Variants in OSMR observed in about 807,000 individuals in gnomAD.
OSMR encodes the protein oncostatin-M-specific receptor subunit beta.
In OSMR, 81 loss-of-function variants were observed where a neutral mutation model predicts 99.9. That is an observed-to-expected ratio of 0.81 (90% confidence interval 0.68 to 0.97). The LOEUF (loss-of-function observed/expected upper bound fraction) is 0.97. Among genes scored for constraint, OSMR ranks in the 50% least tolerant of loss-of-function variants. OSMR has a pLI of 0.00. For missense variants in OSMR, 1,099 were observed against 1,153.4 expected (o/e 0.95, Z 0.68); for synonymous variants, 406 against 410.4 (o/e 0.99, Z 0.13).
chr5:38,911,959 C>G (rs116000417), intron 9 of OSMR, among the ~76,000 whole-genome samples: 1 of 152,042 alleles, frequency 6.6e-6, no homozygotes, highest in Non-Finnish European at 1.5e-5. Flanking sequence ...CAACATCATA[C>G]TAAATGGGCA....
chr5:38,862,620 G>A (rs1232717624), intron 1 of OSMR, among the ~76,000 whole-genome samples: 1 of 151,684 alleles, frequency 6.6e-6, no homozygotes, highest in Non-Finnish European at 1.5e-5. Flanking sequence ...GCCAGGCAGA[G>A]GCGCTCCTCA....
intron 7 of OSMR, among the ~76,000 whole-genome samples, chr5:38,891,639 C>T (rs1744164881): frequency 1.3e-5 from 2 of 152,188 alleles, no homozygotes; most frequent in African/African-American, 4.8e-5. Flanking sequence ...CATGAGAACC[C>T]ACCTGCCCCT....
chr5:38,852,718 A>ATTTTTTTTTTATTTTTT (rs1740495179), intron 1 of OSMR, among the ~76,000 whole-genome samples: 1 of 70,660 alleles, frequency 1.4e-5, no homozygotes, highest in Non-Finnish European at 2.6e-5. Context: ...TATTGTTTTC[A>ATTTTTTTTTTATTTTTT]TTTTTTTTTT....
chr5:38,922,381 T>C (rs1040949686), intron 12 of OSMR, among the ~76,000 whole-genome samples: 7 of 152,088 alleles, frequency 4.6e-5, no homozygotes, highest in African/African-American at 1.4e-4. Context: ...TTCAGTGGTA[T>C]GGTGGGTTGT....
At chr5:38,887,903 T>A (rs1404924902) in intron 7 of OSMR, among the ~76,000 whole-genome samples, 1 of 152,204 alleles carries the variant, frequency 6.6e-6, no homozygotes, top group Non-Finnish European at 1.5e-5. Context: ...TCTTGCATAT[T>A]TTTTGTGCTA....
At chr5:38,913,042 A>G (rs914889791) in intron 9 of OSMR, among the ~76,000 whole-genome samples, 4 of 152,166 alleles carry the variant, frequency 2.6e-5, no homozygotes, top group African/African-American at 7.2e-5. Context: ...CTAAGTCTTC[A>G]AAAGAAATTG....
chr5:38,911,465 C>T lies in OSMR; in HGVS notation c.1286-6081C>T, dbSNP rs181332923. On this transcript the variant is annotated intron_variant, in intron 9 of 17. Coordinates refer to ENST00000274276, the MANE Select transcript of OSMR (RefSeq NM_003999.3). ...GAAAGCCCAGGACCAGATGCATTCACAGCCAAATTCTGTCAGAGTTATAAA... is the reference window on the plus strand; with the variant it reads ...GAAAGCCCAGGACCAGATGCATTCATAGCCAAATTCTGTCAGAGTTATAAA... 1.3e-3 allele frequency among the ~76,000 whole-genome samples: 200 copies of T among 152,286 alleles called. 2 individuals carry two copies. Among genetic ancestry groups the T allele is most frequent in the African/African-American group, 4.7e-3 (195 of 41,572 alleles).
At chr5:38,941,406 C>G (rs1021975332) in intron 1 of OSMR, 12 of 231,654 alleles carry the variant, frequency 5.2e-5, no homozygotes, top group African/African-American at 2.4e-4. Flanking sequence ...TCAGGAGATC[C>G]AAAGTATTAT....
At chr5:38,916,007 A>T (rs1745873251) in intron 9 of OSMR, among the ~76,000 whole-genome samples, 1 of 152,154 alleles carries the variant, frequency 6.6e-6, no homozygotes, top group South Asian at 2.1e-4. Flanking sequence ...TGAATGTTTT[A>T]AATTCTCTTT....
At chr5:38,868,930 T>C in intron 1 of OSMR, 102 bp from the exon 2 acceptor site, 2 of 1,352,046 alleles carry the variant, frequency 1.5e-6, no homozygotes, top group South Asian at 1.3e-5. Flanking sequence ...AAGGGAGAAG[T>C]ATGGGAGCCT....
intron 7 of OSMR, among the ~76,000 whole-genome samples, chr5:38,890,848 T>C (rs1744111113): frequency 6.6e-6 from 1 of 152,030 alleles, no homozygotes; most frequent in Non-Finnish European, 1.5e-5. Context: ...CCTGGGGACG[T>C]TGAATGATTC....
At chr5:38,909,706 C>G (rs574044424) in intron 9 of OSMR, among the ~76,000 whole-genome samples, 13 of 152,290 alleles carry the variant, frequency 8.5e-5, no homozygotes, top group Admixed American at 2.6e-4. Flanking sequence ...TTAGACCTGC[C>G]TTAGAGGAGA....
chr5:38,928,208 T>C (rs1001551752), intron 15 of OSMR, among the ~76,000 whole-genome samples: 1 of 152,082 alleles, frequency 6.6e-6, no homozygotes, highest in Non-Finnish European at 1.5e-5. Context: ...TCCCACATCT[T>C]CCTCTCTTCT....
intron 1 of OSMR, 196 bp from the exon 2 acceptor site, chr5:38,868,836 A>G (rs1269370846): frequency 2.1e-5 from 4 of 190,702 alleles, no homozygotes; most frequent in Non-Finnish European, 3.9e-5. Flanking sequence ...TATAGACCCA[A>G]AAAGGTCCCA....
chr5:38,884,095 C>T lies in OSMR; in HGVS notation c.687C>T (p.Ile229=), dbSNP rs571295169. The T allele has an allele frequency of 4.6e-5, 75 of 1,613,378 alleles. No homozygotes were observed. In the South Asian group the frequency reaches 7.5e-4, roughly 16 times the overall value. The change falls in exon 5 of 18, where the codon ATC becomes ATT. Residue 229 remains isoleucine (I), a synonymous_variant. Transcript: ENST00000274276. ...ATGTCAGTGAAGGCATGAAAGGCAT[C>T]GTTCTTTTTGTCTCAAGTAAGTGTG... The part of the protein sequence containing the change: ...QGNVSEGMKG[I]VLFVSKVLEE...
chr5:38,921,473 A>G, intron 11 of OSMR, 142 bp from the exon 12 acceptor site: 1 of 1,500,200 alleles, frequency 6.7e-7, no homozygotes, highest in Non-Finnish European at 8.9e-7. Context: ...AACATCCCCC[A>G]CCCAAGCACC....
rs751037768 is a variant in OSMR, at chr5:38,924,636, T to A, written c.2044+41T>A. On this transcript the variant is annotated intron_variant, in intron 14 of 17. Transcript: ENST00000274276. Reference sequence around the variant, plus strand: ...AATTTGTTTATTTATTCTTTCAAGATCTCATTATTTGAAATCATTTAAAAT... The same window carrying A: ...AATTTGTTTATTTATTCTTTCAAGAACTCATTATTTGAAATCATTTAAAAT... 38 of 1,452,668 alleles carry A rather than the reference T, an allele frequency of 2.6e-5. 1 individual carries two copies. The South Asian group carries it at 4.1e-4, about 16-fold the overall frequency. 90.0% of individuals were successfully genotyped at this position (1,452,668 alleles called of 1,614,324 possible).
chr5:38,860,342 T>C (rs1357027251), intron 1 of OSMR, among the ~76,000 whole-genome samples: 1 of 152,220 alleles, frequency 6.6e-6, no homozygotes, highest in Non-Finnish European at 1.5e-5. Context: ...TTTTTGTCTT[T>C]CATTTTTTTG....
intron 10 of OSMR, among the ~76,000 whole-genome samples, 173 bp downstream of exon 10, chr5:38,917,795 G>A (rs1049668096): frequency 1.3e-5 from 2 of 152,120 alleles, no homozygotes; most frequent in Non-Finnish European, 2.9e-5. Context: ...CCACTCCTTT[G>A]ATAGCTGATG....
Sources: allele counts gnomAD v4.1 joint callset (sites outside exome capture counted in the v4.1 genomes callset), GRCh38; gene constraint gnomAD v4.1.1; transcripts MANE v1.5; gene names NCBI Gene and HGNC (gene_info 2026-07-23, HGNC 2026-07-21).